Variants in MTUS2 observed in about 807,000 individuals in gnomAD.
MTUS2 encodes the protein microtubule associated scaffold protein 2.
A neutral mutation model predicts 114.1 loss-of-function variants in MTUS2; 40 were observed. The ratio of observed to expected loss-of-function variants is 0.35; its 90% CI spans 0.27 to 0.46. MTUS2 has a LOEUF of 0.46. MTUS2 is among the 20% of genes least tolerant of loss of function. The probability of loss-of-function intolerance (pLI) is 1.00; values close to 1 mark genes in which losing one functional copy is unlikely to be tolerated. For synonymous variants in MTUS2, 688 were observed against 672.0 expected (o/e 1.02, Z -0.37); for missense variants, 1,679 against 1,705.4 (o/e 0.98, Z 0.27).
intron 4 of MTUS2, among the ~76,000 whole-genome samples, chr13:29,050,595 C>G (rs747673984): frequency 2.0e-5 from 3 of 152,178 alleles, no homozygotes; most frequent in Non-Finnish European, 4.4e-5. Context: ...GTCATCTTAC[C>G]CCCCTCTTCA....
intron 5 of MTUS2, among the ~76,000 whole-genome samples, chr13:29,191,908 C>G (rs1231971258): frequency 7.9e-5 from 12 of 152,176 alleles, no homozygotes; most frequent in Non-Finnish European, 1.3e-4. Flanking sequence ...TAAAATCAGA[C>G]TTTGTACAGC....
chr13:29,377,858 T>C (rs1871871158), intron 8 of MTUS2, among the ~76,000 whole-genome samples: 1 of 152,166 alleles, frequency 6.6e-6, no homozygotes, highest in African/African-American at 2.4e-5. Context: ...ATGAAACTGA[T>C]AAACCTATAG....
intron 4 of MTUS2, among the ~76,000 whole-genome samples, chr13:29,097,338 A>T (rs1398857324): frequency 1.3e-5 from 2 of 152,156 alleles, no homozygotes; most frequent in African/African-American, 2.4e-5. Flanking sequence ...TTTACCAGTT[A>T]TGTTTGTTTC....
At chr13:29,168,325 A>G (rs144152681) in intron 5 of MTUS2, among the ~76,000 whole-genome samples, 1 of 152,140 alleles carries the variant, frequency 6.6e-6, no homozygotes, top group Non-Finnish European at 1.5e-5. Flanking sequence ...CTTGTTCCAT[A>G]GCCCCTAACT....
intron 2 of MTUS2, among the ~76,000 whole-genome samples, chr13:28,893,591 T>G (rs1020672898): frequency 6.6e-6 from 1 of 152,096 alleles, no homozygotes; most frequent in African/African-American, 2.4e-5. Flanking sequence ...TATCCTAAGG[T>G]TTCATCATGA....
intron 4 of MTUS2, among the ~76,000 whole-genome samples, chr13:29,063,314 A>G (rs1408333910): frequency 2.0e-5 from 3 of 152,206 alleles, no homozygotes; most frequent in Non-Finnish European, 4.4e-5. Flanking sequence ...AATGCAACTA[A>G]AATAAATATA....
At chr13:29,140,517 C>T (rs1892174626) in intron 5 of MTUS2, among the ~76,000 whole-genome samples, 2 of 152,202 alleles carry the variant, frequency 1.3e-5, no homozygotes, top group Non-Finnish European at 2.9e-5. Flanking sequence ...TCTGGAATGT[C>T]TTCCTGTTGT....
rs1048253498 is a variant in MTUS2 at position 29,135,201 on chromosome 13, T to C, written c.2644+34231T>C. ...AGTCACTTAGTAGCCATCTCAGTTA[T>C]CACGTTGCAAAAACAGTGGTTTCAG... is the stretch of plus-strand genomic sequence containing the variant. On this transcript the variant is annotated intron_variant, in intron 5 of 15. Transcript: ENST00000612955. Among the ~76,000 whole-genome samples the C allele has an allele frequency of 3.9e-4, 59 of 152,216 alleles. 1 individual carries two copies. Among genetic ancestry groups the C allele is most frequent in the Admixed American group, 2.0e-4 (3 of 15,284 alleles).
chr13:29,275,281 G>T (rs7983152), intron 5 of MTUS2, among the ~76,000 whole-genome samples: 24 of 152,190 alleles, frequency 1.6e-4, no homozygotes, highest in African/African-American at 5.8e-4. Context: ...TGGGTTACAT[G>T]AGATATTTTG....
intron 7 of MTUS2, among the ~76,000 whole-genome samples, chr13:29,346,399 G>A (rs1242013337): frequency 6.6e-6 from 1 of 152,120 alleles, no homozygotes; most frequent in Non-Finnish European, 1.5e-5. Context: ...GGAGGATGAG[G>A]ATGTGGTTTC....
intron 8 of MTUS2, among the ~76,000 whole-genome samples, chr13:29,393,102 A>G (rs1031461770): frequency 9.2e-5 from 14 of 152,328 alleles, no homozygotes; most frequent in Admixed American, 3.3e-4. Flanking sequence ...GTACTGCGCC[A>G]GGGCCAGCTG....
At chr13:29,179,946 G>A (rs1377229282) in intron 5 of MTUS2, among the ~76,000 whole-genome samples, 2 of 152,154 alleles carry the variant, frequency 1.3e-5, no homozygotes, top group African/African-American at 2.4e-5. Flanking sequence ...CACCAATTCT[G>A]TGTACGCATT....
chr13:29,274,836 C>T (rs1898001621), intron 5 of MTUS2, among the ~76,000 whole-genome samples: 1 of 152,096 alleles, frequency 6.6e-6, no homozygotes. Context: ...GTCCAGAGAT[C>T]CTCCAGCTCC....
chr13:29,362,218 C>A (rs536337737), intron 8 of MTUS2, among the ~76,000 whole-genome samples: 1 of 152,326 alleles, frequency 6.6e-6, no homozygotes, highest in Admixed American at 6.5e-5. Context: ...CTCCTGGCCT[C>A]AAGTGATCCT....
intron 5 of MTUS2, among the ~76,000 whole-genome samples, chr13:29,281,219 C>G (rs1039822322): frequency 6.6e-5 from 10 of 152,144 alleles, no homozygotes; most frequent in African/African-American, 1.9e-4. Context: ...AGCGAGATTT[C>G]AGGGATCTCT....
chr13:29,474,031 G>C (rs1880511172), intron 9 of MTUS2, among the ~76,000 whole-genome samples: 1 of 152,168 alleles, frequency 6.6e-6, no homozygotes, highest in Non-Finnish European at 1.5e-5. Flanking sequence ...CATTTCCCCT[G>C]GTGCCAGCTG....
At chr13:28,884,276 A>G (rs1405524248) in intron 2 of MTUS2, among the ~76,000 whole-genome samples, 1 of 152,246 alleles carries the variant, frequency 6.6e-6, no homozygotes, top group Non-Finnish European at 1.5e-5. Flanking sequence ...CCTTGAGGAC[A>G]TGATGCAAAG....
intron 8 of MTUS2, among the ~76,000 whole-genome samples, chr13:29,380,529 C>T (rs1172866703): frequency 3.3e-5 from 5 of 152,218 alleles, no homozygotes; most frequent in Non-Finnish European, 7.3e-5. Context: ...GTCTCACTAA[C>T]TTCCATTCCT....
intron 8 of MTUS2, among the ~76,000 whole-genome samples, chr13:29,430,782 A>G (rs1876936301): frequency 6.6e-6 from 1 of 152,202 alleles, no homozygotes; most frequent in Admixed American, 6.5e-5. Context: ...TGGGCCAGGT[A>G]TTGTATACTA....
Sources: gnomAD v4.1 joint callset for allele counts (sites outside exome capture counted in the v4.1 genomes callset) on GRCh38, gnomAD v4.1.1 for gene constraint, MANE v1.5 for transcripts, NCBI Gene and HGNC (gene_info 2026-07-23, HGNC 2026-07-21) for gene names.